Variants in DSCAM observed in about 807,000 individuals in gnomAD.
DSCAM encodes DS cell adhesion molecule.
Under a neutral mutation model 217.7 loss-of-function variants are expected in DSCAM, and 47 were observed. That is an observed-to-expected ratio of 0.22 (90% CI 0.17 to 0.28). The LOEUF (loss-of-function observed/expected upper bound fraction) is 0.28, where lower values mean the gene tolerates loss of function less well. Among genes scored for constraint, DSCAM ranks in the 10% least tolerant of loss-of-function variants. The pLI, the probability that DSCAM is intolerant of heterozygous loss-of-function variation, is 1.00. For missense variants in DSCAM, 2,080 were observed against 2,618.3 expected (o/e 0.79, Z 4.49); for synonymous variants, 1,056 against 1,015.3 (o/e 1.04, Z -0.76).
At chr21:40,076,764 A>T (rs754824419) in intron 26 of DSCAM, among the ~76,000 whole-genome samples, 1 of 152,256 alleles carries the variant, frequency 6.6e-6, no homozygotes, top group Non-Finnish European at 1.5e-5. Flanking sequence ...ATCAGTGTGC[A>T]CATTTAAGCT....
intron 3 of DSCAM, among the ~76,000 whole-genome samples, chr21:40,631,606 A>C (rs1009152703): frequency 6.6e-6 from 1 of 152,298 alleles, no homozygotes; most frequent in Non-Finnish European, 1.5e-5. Flanking sequence ...GTGAGAAGGA[A>C]TTAAGACACT....
intron 32 of DSCAM, among the ~76,000 whole-genome samples, chr21:40,039,411 A>G: frequency 6.6e-6 from 1 of 151,884 alleles, no homozygotes; most frequent in East Asian, 1.9e-4. Flanking sequence ...AATTTCTATT[A>G]ATTGAAATAT....
Position 40,121,681 on chromosome 21 carries a change from C to CTTTTTTTTTTTTTTTT in DSCAM, c.3696+2498_3696+2513dup, listed in dbSNP as rs201672838. Reference sequence around the variant, plus strand: ...CTGGTGGGTTTGCTCTCATTACTGTCTTTTTTTTTTTTTTTTTTTTTTTTT... The same window carrying CTTTTTTTTTTTTTTTT: ...CTGGTGGGTTTGCTCTCATTACTGTCTTTTTTTTTTTTTTTTTTTTTTTTTTTTTTTTTTTTTTTTT... On this transcript the variant is annotated intron_variant, in intron 20 of 32. Coordinates refer to ENST00000400454, the MANE Select transcript of DSCAM (RefSeq NM_001389.5). Among the ~76,000 whole-genome samples, 137 of 73,744 alleles carry CTTTTTTTTTTTTTTTT rather than the reference C, an allele frequency of 1.9e-3. 17 individuals carry two copies. Among genetic ancestry groups the CTTTTTTTTTTTTTTTT allele is most frequent in the African/African-American group, 3.9e-3 (68 of 17,394 alleles). 48.4% of individuals were successfully genotyped at this position (73,744 alleles called of 152,430 possible). A position where few individuals can be genotyped will look rare whatever the true frequency, so the allele number is the denominator to read the frequency against.
chr21:40,504,124 C>T (rs2076191755), intron 3 of DSCAM, among the ~76,000 whole-genome samples: 1 of 151,670 alleles, frequency 6.6e-6, no homozygotes, highest in Non-Finnish European at 1.5e-5. Context: ...TAGAAATGAA[C>T]AGTCTGAGGC....
chr21:40,128,849 G>C (rs1185694062), intron 19 of DSCAM, among the ~76,000 whole-genome samples: 1 of 152,114 alleles, frequency 6.6e-6, no homozygotes, highest in Non-Finnish European at 1.5e-5. Flanking sequence ...CTGACCCTTA[G>C]AAACGATGAG....
chr21:40,064,159 A>G lies in DSCAM; in HGVS notation c.4889-1260T>C, dbSNP rs190668700. On this transcript the variant is annotated intron_variant, in intron 27 of 32. Coordinates refer to ENST00000400454, the MANE Select transcript of DSCAM (RefSeq NM_001389.5). ...GTGCTTATATATACTTCATGTATGT[A>G]TATATATATACATACACACACACAC... Among the ~76,000 whole-genome samples the G allele has an allele frequency of 1.4e-3, 198 of 141,208 alleles. 2 individuals carry two copies. The highest frequency in any genetic ancestry group is 4.9e-3 in the African/African-American group (185 of 37,374). The allele number at this position is 141,208 out of a possible 152,430, so 92.6% of individuals were successfully genotyped here.
chr21:40,686,617 C>T (rs566972697), intron 3 of DSCAM, among the ~76,000 whole-genome samples: 12 of 152,324 alleles, frequency 7.9e-5, no homozygotes, highest in African/African-American at 2.9e-4. Flanking sequence ...GCGTACTTCT[C>T]TGTGTTGGGT....
At chr21:40,352,783 A>T (rs536695282) in intron 5 of DSCAM, among the ~76,000 whole-genome samples, 5 of 152,322 alleles carry the variant, frequency 3.3e-5, no homozygotes, top group African/African-American at 1.2e-4. Flanking sequence ...GGTTTCTGCA[A>T]GAGCAAAATT....
At chr21:40,789,619 C>T (rs2091622190) in intron 1 of DSCAM, among the ~76,000 whole-genome samples, 1 of 148,942 alleles carries the variant, frequency 6.7e-6, no homozygotes, top group African/African-American at 2.5e-5. Context: ...GCAGTGGCAC[C>T]ATGTTGGCTC....
intron 20 of DSCAM, among the ~76,000 whole-genome samples, chr21:40,100,635 CTTT>C (rs34909847): frequency 1.5e-5 from 2 of 131,898 alleles, no homozygotes; most frequent in East Asian, 2.3e-4. Flanking sequence ...GACTCTGAAT[CTTT>C]TTTTTTTTTT....
chr21:40,197,205 G>A (rs1375844156), intron 11 of DSCAM, among the ~76,000 whole-genome samples: 6 of 151,882 alleles, frequency 4.0e-5, no homozygotes, highest in African/African-American at 1.5e-4. Context: ...TGCAAGCTCC[G>A]CCTCCCGGGT....
At position 40,760,903 on chromosome 21, in the gene DSCAM, G is replaced by A. The variant is rs74428191; in HGVS notation, c.44-52132C>T. ...AAGACACCTCACTGAGAATCAACAC[G>A]ATCAGTCCCCATAGTGTGTGCATGT... is the stretch of plus-strand genomic sequence containing the variant. On this transcript the variant is annotated intron_variant, in intron 1 of 32. Transcript: ENST00000400454. 1.4e-4 allele frequency among the ~76,000 whole-genome samples: 22 copies of A among 152,252 alleles called. No individual in the cohort carries two copies. The East Asian group carries it at 4.2e-3, about 29-fold the overall frequency.
At chr21:40,075,632 G>A (rs412060) in intron 26 of DSCAM, among the ~76,000 whole-genome samples, 46,807 of 152,106 alleles carry the variant, frequency 0.31, 8,483 homozygotes, top group South Asian at 0.62. Flanking sequence ...GGACAGAAGC[G>A]CGTGTGCAGG....
chr21:40,643,835 C>T (rs545538473), intron 3 of DSCAM, among the ~76,000 whole-genome samples: 20 of 152,274 alleles, frequency 1.3e-4, no homozygotes, highest in Middle Eastern at 3.4e-3. Context: ...CAAGGAGAGG[C>T]CAAACTTGCC....
At chr21:40,354,221 T>C (rs796635103) in intron 4 of DSCAM, among the ~76,000 whole-genome samples, 8 of 152,286 alleles carry the variant, frequency 5.3e-5, no homozygotes, top group African/African-American at 1.9e-4. Flanking sequence ...TTGAAATAAT[T>C]ATAGCTTAAA....
intron 18 of DSCAM, among the ~76,000 whole-genome samples, chr21:40,139,892 G>T (rs953736144): frequency 1.3e-4 from 19 of 150,210 alleles, no homozygotes; most frequent in Non-Finnish European, 2.5e-4. Context: ...CATGTGGGGT[G>T]TGTGAGGTGT....
intron 3 of DSCAM, among the ~76,000 whole-genome samples, chr21:40,499,098 G>A (rs1476393164): frequency 2.6e-5 from 4 of 151,940 alleles, no homozygotes; most frequent in Non-Finnish European, 5.9e-5. Flanking sequence ...TTTTAATACA[G>A]TATTCAATGA....
intron 9 of DSCAM, among the ~76,000 whole-genome samples, chr21:40,311,513 A>C (rs114254648): frequency 6.4e-4 from 98 of 152,320 alleles, no homozygotes; most frequent in Middle Eastern, 3.4e-3. Flanking sequence ...TTTTTTGAAT[A>C]AGTACTACCA....
chr21:40,826,810 G>A (rs1448433658), intron 1 of DSCAM, among the ~76,000 whole-genome samples: 1 of 152,202 alleles, frequency 6.6e-6, no homozygotes, highest in African/African-American at 2.4e-5. Context: ...TTTAAATGTT[G>A]AGATACCTGT....
Sources: allele counts gnomAD v4.1 joint callset (sites outside exome capture counted in the v4.1 genomes callset), GRCh38; gene constraint gnomAD v4.1.1; transcripts MANE v1.5; gene names NCBI Gene and HGNC (gene_info 2026-07-23, HGNC 2026-07-21).